The following ATG7 variants were observed in gnomAD, a reference collection of about 807,000 sequenced individuals.
ATG7 encodes autophagy related 7.
Under a neutral mutation model 82.4 loss-of-function variants are expected in ATG7, and 70 were observed. The observed-to-expected ratio is 0.85, with a 90% CI of 0.70 to 1.04. ATG7 has a LOEUF of 1.04. Ranked by LOEUF, ATG7 falls within the 50% of genes least tolerant of loss-of-function variation. The pLI, the probability that ATG7 is intolerant of heterozygous loss-of-function variation, is 0.00. For synonymous variants in ATG7, 287 were observed against 313.0 expected, an observed-to-expected ratio of 0.92 and a Z score of 0.88; for missense variants, 792 against 864.3, an observed-to-expected ratio of 0.92 and a Z score of 1.05.
chr3:11,508,968 C>T (rs2153072843), intron 20 of ATG7, among the ~76,000 whole-genome samples: 1 of 152,334 alleles, frequency 6.6e-6, no homozygotes, highest in East Asian at 1.9e-4. Flanking sequence ...TGCAAGAGAG[C>T]ATAAGTAGAA....
chr3:11,450,431 C>G (rs994387735), intron 20 of ATG7, among the ~76,000 whole-genome samples: 1 of 152,184 alleles, frequency 6.6e-6, no homozygotes, highest in African/African-American at 2.4e-5. Context: ...TTCCACAGAT[C>G]CTACCTCTTT....
intron 20 of ATG7, among the ~76,000 whole-genome samples, chr3:11,551,644 G>A (rs2071795251): frequency 6.6e-6 from 1 of 152,138 alleles, no homozygotes; most frequent in South Asian, 2.1e-4. Context: ...TGTCCAGGCT[G>A]GTCTCAAACT....
chr3:11,443,304 G>A (rs1314005978), intron 20 of ATG7, among the ~76,000 whole-genome samples: 2 of 152,138 alleles, frequency 1.3e-5, no homozygotes, highest in Non-Finnish European at 2.9e-5. Context: ...ATGAGTTCTG[G>A]CTCACTCCTT....
chr3:11,435,199 C>T (rs1247142046), intron 20 of ATG7, among the ~76,000 whole-genome samples: 1 of 152,014 alleles, frequency 6.6e-6, no homozygotes, highest in Non-Finnish European at 1.5e-5. Flanking sequence ...GCTACCATTG[C>T]CAGAAACAAC....
rs534664009 is a variant in ATG7 at position 11,306,688 on chromosome 3, TTC to T, written c.216-251_216-250del. Reference sequence around the variant, plus strand: ...AAAGAAGAACAAATAGGAAATGAACTTCTCTTTGGGGGACAGTAGAACAGCAT... The same window carrying T: ...AAAGAAGAACAAATAGGAAATGAACTTCTTTGGGGGACAGTAGAACAGCAT... On this transcript the variant is annotated intron_variant, in intron 5 of 20. Transcript: ENST00000693202. Among the ~76,000 whole-genome samples, 17 of 152,254 alleles carry T rather than the reference TTC, an allele frequency of 1.1e-4. No individual in the cohort carries two copies. In the South Asian group the frequency reaches 3.5e-3, roughly 32 times the overall value.
At chr3:11,365,340 G>T (rs2076530095) in intron 18 of ATG7, among the ~76,000 whole-genome samples, 1 of 152,108 alleles carries the variant, frequency 6.6e-6, no homozygotes, top group Non-Finnish European at 1.5e-5. Context: ...CCAAAAAGTG[G>T]GGTGTCTTTT....
At chr3:11,397,790 T>G (rs1177158344) in intron 19 of ATG7, among the ~76,000 whole-genome samples, 3 of 145,540 alleles carry the variant, frequency 2.1e-5, no homozygotes, top group African/African-American at 7.5e-5. Context: ...AGTAGAAAAT[T>G]TTAATGAATC....
intron 20 of ATG7, among the ~76,000 whole-genome samples, chr3:11,512,990 T>G (rs1159724058): frequency 1.3e-5 from 2 of 152,114 alleles, no homozygotes; most frequent in Non-Finnish European, 2.9e-5. Flanking sequence ...GTTCTCCAAG[T>G]CCCCACCAGA....
intron 20 of ATG7, among the ~76,000 whole-genome samples, chr3:11,481,403 G>A (rs897123758): frequency 2.0e-5 from 3 of 152,160 alleles, no homozygotes; most frequent in African/African-American, 7.2e-5. Flanking sequence ...TTTGCTGTAA[G>A]TTTTAAGTTT....
At chr3:11,425,857 T>G (rs2082321315) in intron 19 of ATG7, among the ~76,000 whole-genome samples, 1 of 152,206 alleles carries the variant, frequency 6.6e-6, no homozygotes, top group African/African-American at 2.4e-5. Flanking sequence ...ACACCACAGA[T>G]TCATGTTGCC....
intron 19 of ATG7, among the ~76,000 whole-genome samples, chr3:11,405,383 T>C (rs1489542098): frequency 6.6e-6 from 1 of 152,152 alleles, no homozygotes; most frequent in African/African-American, 2.4e-5. Flanking sequence ...GCGATGAGAA[T>C]AGGAGAAGTT....
chr3:11,481,176 G>A (rs2088925466), intron 20 of ATG7, among the ~76,000 whole-genome samples: 1 of 152,230 alleles, frequency 6.6e-6, no homozygotes, highest in East Asian at 1.9e-4. Flanking sequence ...AACAAATATA[G>A]GAGTTAGGGT....
chr3:11,391,484 T>C (rs1317169161), intron 19 of ATG7, among the ~76,000 whole-genome samples: 1 of 152,166 alleles, frequency 6.6e-6, no homozygotes, highest in East Asian at 1.9e-4. Flanking sequence ...CTGTGTTCCC[T>C]CTGAATTTCT....
intron 7 of ATG7, among the ~76,000 whole-genome samples, 193 bp downstream of exon 7, chr3:11,309,254 A>G (rs1260721400): frequency 6.6e-6 from 1 of 152,080 alleles, no homozygotes; most frequent in African/African-American, 2.4e-5. Flanking sequence ...AACTTAATTC[A>G]CCCCTATGGA....
intron 14 of ATG7, among the ~76,000 whole-genome samples, chr3:11,355,642 C>A (rs2075884459): frequency 6.6e-6 from 1 of 152,104 alleles, no homozygotes; most frequent in African/African-American, 2.4e-5. Flanking sequence ...CAGGGAAATA[C>A]AAGTTAAAAC....
intron 20 of ATG7, among the ~76,000 whole-genome samples, chr3:11,443,360 C>G (rs572537778): frequency 6.6e-6 from 1 of 152,212 alleles, no homozygotes; most frequent in South Asian, 2.1e-4. Flanking sequence ...ATGAAAGCAC[C>G]ATGCATGTTT....
intron 5 of ATG7, among the ~76,000 whole-genome samples, chr3:11,306,218 CA>C (rs1947712199): frequency 6.6e-6 from 1 of 152,200 alleles, no homozygotes; most frequent in African/African-American, 2.4e-5. Context: ...AGACAACCGT[CA>C]GGGGCTTGCC....
At chr3:11,358,339 G>A (rs879035052) in intron 14 of ATG7, 79 bp from the exon 15 acceptor site, 2 of 1,401,592 alleles carry the variant, frequency 1.4e-6, no homozygotes, top group Admixed American at 4.1e-5. Context: ...GTAAGTGCAG[G>A]CAGCTGTGGG....
intron 15 of ATG7, among the ~76,000 whole-genome samples, chr3:11,359,724 A>C (rs1432167561): frequency 6.8e-6 from 1 of 147,162 alleles, no homozygotes; most frequent in Non-Finnish European, 1.5e-5. Context: ...CAAAAAAACA[A>C]AAAAAAACCA....
Sources: gnomAD v4.1 joint callset for allele counts (sites outside exome capture counted in the v4.1 genomes callset) on GRCh38, gnomAD v4.1.1 for gene constraint, MANE v1.5 for transcripts, NCBI Gene and HGNC (gene_info 2026-07-23, HGNC 2026-07-21) for gene names.